Variants in SHISA6 observed in about 807,000 individuals in gnomAD.
SHISA6 encodes shisa family member 6.
In SHISA6, 22 loss-of-function variants were observed where a neutral mutation model predicts 47.9. The observed-to-expected ratio is 0.46, with a 90% CI of 0.33 to 0.66. The LOEUF (loss-of-function observed/expected upper bound fraction) is 0.66. SHISA6 is among the 30% of genes least tolerant of loss of function. The pLI, the probability that SHISA6 is intolerant of heterozygous loss-of-function variation, is 0.02. For missense variants in SHISA6, 680 were observed against 764.6 expected, an observed-to-expected ratio of 0.89 and a Z score of 1.30; for synonymous variants, 388 against 337.8, an observed-to-expected ratio of 1.15 and a Z score of -1.63.
At chr17:11,430,513 G>T (rs1914739197) in intron 3 of SHISA6, among the ~76,000 whole-genome samples, 1 of 152,160 alleles carries the variant, frequency 6.6e-6, no homozygotes, top group Admixed American at 6.5e-5. Context: ...AGTCATGGGG[G>T]GTTTGGAGGT....
At chr17:11,316,032 A>G (rs1280503679) in intron 2 of SHISA6, among the ~76,000 whole-genome samples, 1 of 152,032 alleles carries the variant, frequency 6.6e-6, no homozygotes, top group Non-Finnish European at 1.5e-5. Flanking sequence ...GAGGAAAGTC[A>G]CTCTTTGCCT....
chr17:11,440,628 A>G (rs1244098983), intron 3 of SHISA6, among the ~76,000 whole-genome samples: 1 of 147,670 alleles, frequency 6.8e-6, no homozygotes, highest in African/African-American at 2.5e-5. Flanking sequence ...TGGATGATCC[A>G]TCATCCAATG....
chr17:11,304,884 TG>T (rs1381559109), intron 2 of SHISA6, among the ~76,000 whole-genome samples: 2 of 152,116 alleles, frequency 1.3e-5, no homozygotes, highest in African/African-American at 4.8e-5. Flanking sequence ...GCTGGGCTTC[TG>T]GGTGGCTGGT....
At chr17:11,510,290 C>T (rs569373086) in intron 3 of SHISA6, among the ~76,000 whole-genome samples, 1 of 152,174 alleles carries the variant, frequency 6.6e-6, no homozygotes, top group Non-Finnish European at 1.5e-5. Flanking sequence ...TGCTCCACTG[C>T]AGAGCCACCA....
chr17:11,257,644 G>A (rs114345710), intron 1 of SHISA6, among the ~76,000 whole-genome samples: 1,866 of 142,898 alleles, frequency 0.013, 54 homozygotes, highest in African/African-American at 0.046. Context: ...CTGGGCGACC[G>A]TGTGAGATCC....
chr17:11,299,776 A>G (rs770106737), intron 2 of SHISA6, among the ~76,000 whole-genome samples: 2 of 152,108 alleles, frequency 1.3e-5, no homozygotes, highest in Non-Finnish European at 2.9e-5. Context: ...GGGCCTACCC[A>G]CACAATCCAG....
At chr17:11,539,958 A>T (rs1325312302) in intron 3 of SHISA6, among the ~76,000 whole-genome samples, 5 of 152,198 alleles carry the variant, frequency 3.3e-5, no homozygotes, top group Non-Finnish European at 7.3e-5. Context: ...AACAGACTGC[A>T]TGCATATCCC....
chr17:11,556,161 A>C (rs2071977544), intron 5 of SHISA6, among the ~76,000 whole-genome samples: 1 of 152,132 alleles, frequency 6.6e-6, no homozygotes, highest in Admixed American at 6.5e-5. Context: ...GCACCAGTTT[A>C]ACTGCGGGAG....
intron 3 of SHISA6, among the ~76,000 whole-genome samples, chr17:11,524,451 A>C (rs2071658240): frequency 6.6e-6 from 1 of 151,496 alleles, no homozygotes; most frequent in Non-Finnish European, 1.5e-5. Context: ...GCTTATAGAT[A>C]ATTTTATTTA....
intron 2 of SHISA6, among the ~76,000 whole-genome samples, chr17:11,284,422 A>G (rs1373459324): frequency 3.9e-5 from 6 of 152,048 alleles, no homozygotes; most frequent in Admixed American, 1.3e-4. Flanking sequence ...CAGGCTTTTT[A>G]TCTACATTCC....
rs539671497 is a variant in SHISA6, at chr17:11,533,418, C to T, written c.896-18478C>T. Among the ~76,000 whole-genome samples, 115 of 152,174 alleles carry T rather than the reference C, an allele frequency of 7.6e-4. 3 individuals carry two copies. The South Asian group carries it at 0.023, about 31-fold the overall frequency. ...CTCATTCTACCGTCTCTCATCTGCA[C>T]TCCTACCAACCCTCTATGACTCAGG... On this transcript the variant is annotated intron_variant, in intron 3 of 5. Transcript: ENST00000441885.
intron 2 of SHISA6, among the ~76,000 whole-genome samples, chr17:11,339,309 C>A (rs1255013977): frequency 1.3e-5 from 2 of 152,044 alleles, no homozygotes; most frequent in Non-Finnish European, 2.9e-5. Flanking sequence ...AGTATACACA[C>A]CCTGGTCAAA....
At chr17:11,296,676 G>A (rs1469140135) in intron 2 of SHISA6, among the ~76,000 whole-genome samples, 1 of 152,124 alleles carries the variant, frequency 6.6e-6, no homozygotes, top group Admixed American at 6.6e-5. Flanking sequence ...TATTGGAAGT[G>A]ATGGGGGGAT....
At chr17:11,430,958 C>G (rs185707671) in intron 3 of SHISA6, among the ~76,000 whole-genome samples, 2 of 152,124 alleles carry the variant, frequency 1.3e-5, no homozygotes, top group African/African-American at 2.4e-5. Flanking sequence ...CACGGAGGAG[C>G]CTTTGTGGCT....
At chr17:11,449,462 GA>G (rs893766693) in intron 3 of SHISA6, among the ~76,000 whole-genome samples, 3 of 150,760 alleles carry the variant, frequency 2.0e-5, no homozygotes, top group African/African-American at 4.9e-5. Flanking sequence ...AAAAGAAAAA[GA>G]AAAAAAAGAA....
intron 2 of SHISA6, among the ~76,000 whole-genome samples, chr17:11,270,321 A>G (rs940384302): frequency 3.3e-5 from 5 of 152,218 alleles, no homozygotes; most frequent in African/African-American, 1.2e-4. Context: ...TCTGATTGCC[A>G]AGTAGTGGAC....
At chr17:11,424,851 ATAT>A (rs1396022204) in intron 3 of SHISA6, among the ~76,000 whole-genome samples, 1 of 151,872 alleles carries the variant, frequency 6.6e-6, no homozygotes, top group Non-Finnish European at 1.5e-5. Flanking sequence ...AAAATACAAA[ATAT>A]TAGCCGGGCA....
intron 2 of SHISA6, among the ~76,000 whole-genome samples, chr17:11,315,259 G>A (rs1910467115): frequency 6.6e-6 from 1 of 152,196 alleles, no homozygotes; most frequent in East Asian, 1.9e-4. Flanking sequence ...TTGCCAGTAT[G>A]TGGGGAAAGT....
chr17:11,472,635 T>C (rs768663234), intron 3 of SHISA6, among the ~76,000 whole-genome samples: 2 of 152,256 alleles, frequency 1.3e-5, no homozygotes, highest in Non-Finnish European at 2.9e-5. Flanking sequence ...GTAAACATCA[T>C]GTGCAGGGTT....
Sources: allele counts gnomAD v4.1 joint callset (sites outside exome capture counted in the v4.1 genomes callset), GRCh38; gene constraint gnomAD v4.1.1; transcripts MANE v1.5; gene names NCBI Gene and HGNC (gene_info 2026-07-23, HGNC 2026-07-21).